LEPROT: variants seen among roughly 807,000 people sequenced by gnomAD.
LEPROT encodes the protein leptin receptor overlapping transcript.
LEPROT carries 3 observed loss-of-function variants against 15.4 expected under a neutral mutation model. The observed-to-expected ratio is 0.19, with a 90% CI of 0.09 to 0.50. LEPROT has a LOEUF of 0.50. Ranked by LOEUF, LEPROT falls within the 20% of genes least tolerant of loss-of-function variation. The pLI is 0.97. For missense variants in LEPROT, 137 were observed against 162.2 expected (o/e 0.84, Z 0.84); for synonymous variants, 59 against 57.5 (o/e 1.03, Z -0.12).
Position 65,425,308 on chromosome 1 carries a change from G to A in LEPROT, c.22G>A (p.Val8Met), listed in dbSNP as rs1266019114. MAGVKAL[V>M]ALSFSGAIGL... is the part of the protein sequence containing the mutation. Reference sequence around the variant, plus strand: ...TTTGGCTTTATTTTTCACAGCTCTCGTGGCATTATCCTTCAGTGGGGCTAT... The same window carrying A: ...TTTGGCTTTATTTTTCACAGCTCTCATGGCATTATCCTTCAGTGGGGCTAT... Residue 8 changes from valine to methionine, a missense_variant, in exon 2 of 4, where the codon GTG (valine) becomes ATG (methionine). Transcript: ENST00000371065. 22 of 1,612,212 alleles carry A rather than the reference G, an allele frequency of 1.4e-5. No homozygotes were observed. In the Admixed American group the frequency reaches 2.4e-4, roughly 17 times the overall value.
rs1330010380 is a variant in LEPROT at position 65,432,462 on chromosome 1, GT to G, written c.*546del. 1.6e-6 allele frequency: 1 copy of G among 615,878 alleles called. No individual in the cohort carries two copies. Among genetic ancestry groups the G allele is most frequent in the African/African-American group, 2.0e-5 (1 of 50,008 alleles). The allele number at this position is 615,878 out of a possible 1,614,324, so 38.2% of individuals were successfully genotyped here. A position where few individuals can be genotyped will look rare whatever the true frequency, so the allele number is the denominator to read the frequency against. On this transcript the variant is annotated 3_prime_UTR_variant, in exon 4 of 4. Transcript: ENST00000371065. ...CCAAAGGAGTTGTATGCACATGAAA[GT>G]TTGAGAAGCATCATCATAGAGAAGT...
At chr1:65,428,291 G>A (rs1646419448) in intron 2 of LEPROT, among the ~76,000 whole-genome samples, 1 of 152,162 alleles carries the variant, frequency 6.6e-6, no homozygotes. Flanking sequence ...CATAGAGTCA[G>A]ATTGTTTTTC....
chr1:65,432,666 T>C lies in LEPROT; in HGVS notation c.*747T>C, dbSNP rs987445315. On this transcript the variant is annotated 3_prime_UTR_variant, in exon 4 of 4. Transcript: ENST00000371065. Reference sequence around the variant, plus strand: ...AGTTCCTCAAATTTATGAAAAGTGTTCTCAGAATTGGGAGACAGTCAAAGG... The same window carrying C: ...AGTTCCTCAAATTTATGAAAAGTGTCCTCAGAATTGGGAGACAGTCAAAGG... 2.5e-4 allele frequency: 247 copies of C among 983,108 alleles called. No homozygotes were observed. The highest frequency in any genetic ancestry group is 2.7e-4 in the Non-Finnish European group (226 of 828,008). 60.9% of individuals were successfully genotyped at this position (983,108 alleles called of 1,614,324 possible). A position where few individuals can be genotyped will look rare whatever the true frequency, so the allele number is the denominator to read the frequency against.
In LEPROT at chr1:65,435,597, GACCTCATGATCCGC is replaced by G. The variant is rs1646551648; in HGVS notation, c.*3679_*3692del. On this transcript the variant is annotated 3_prime_UTR_variant, in exon 4 of 4. Coordinates refer to ENST00000371065, the MANE Select transcript of LEPROT (RefSeq NM_017526.5). ...TTAGCCAGGATGGTCTCGATCTCCT[GACCTCATGATCCGC>G]CCGCCTCTGCCTCCCAAAGTGCTGG... 9.2e-6 allele frequency: 6 copies of G among 652,964 alleles called. No individual in the cohort carries two copies. The highest frequency in any genetic ancestry group is 6.3e-5 in the Admixed American group (1 of 15,862). 40.4% of individuals were successfully genotyped at this position (652,964 alleles called of 1,614,324 possible). A position where few individuals can be genotyped will look rare whatever the true frequency, so the allele number is the denominator to read the frequency against.
chr1:65,425,442 G>A, intron 2 of LEPROT, 64 bp downstream of exon 2: 1 of 1,403,512 alleles, frequency 7.1e-7, no homozygotes, highest in Non-Finnish European at 9.7e-7. Context: ...TAGTATGGGT[G>A]TTAGAGAGTT....
rs1362340538 is a variant in LEPROT, at chr1:65,433,002, A to G, written c.*1083A>G. 17 of 985,338 alleles carry G rather than the reference A, an allele frequency of 1.7e-5. No homozygotes were observed. The highest frequency in any genetic ancestry group is 6.1e-5 in the Admixed American group (1 of 16,276). The allele number at this position is 985,338 out of a possible 1,614,324, so 61.0% of individuals were successfully genotyped here. On this transcript the variant is annotated 3_prime_UTR_variant, in exon 4 of 4. Transcript: ENST00000371065. Reference sequence around the variant, plus strand: ...AAACATCTCAGTGGGGAACAGATGTATCTTTTCATCTGAAAGACAATGCTG... The same window carrying G: ...AAACATCTCAGTGGGGAACAGATGTGTCTTTTCATCTGAAAGACAATGCTG...
chr1:65,434,267 A>G lies in LEPROT; in HGVS notation c.*2348A>G, dbSNP rs1188769361. 1.0e-6 allele frequency: 1 copy of G among 983,022 alleles called. No homozygotes were observed. Among genetic ancestry groups the G allele is most frequent in the Non-Finnish European group, 1.2e-6 (1 of 827,690 alleles). The allele number at this position is 983,022 out of a possible 1,614,324, so 60.9% of individuals were successfully genotyped here. The stretch of plus-strand genomic sequence containing the variant: ...TTGCTATATCTGAATATATAATACA[A>G]AAGTTTGATCATGGTGACACAAATG... On this transcript the variant is annotated 3_prime_UTR_variant, in exon 4 of 4. Coordinates refer to ENST00000371065, the MANE Select transcript of LEPROT (RefSeq NM_017526.5).
At chr1:65,423,176 G>A (rs1376993126) in intron 1 of LEPROT, among the ~76,000 whole-genome samples, 1 of 152,144 alleles carries the variant, frequency 6.6e-6, no homozygotes, top group Non-Finnish European at 1.5e-5. Flanking sequence ...CAGACTGGAG[G>A]TGGAAGTACA....
At position 65,433,194 on chromosome 1, in the gene LEPROT, T is replaced by C. The variant is rs1570439190; in HGVS notation, c.*1275T>C. Reference sequence around the variant, plus strand: ...CCCCACCCCTACTCCTCAACAGTTCTGGTTTGCCCTGACTTCTCTACGGCT... The same window carrying C: ...CCCCACCCCTACTCCTCAACAGTTCCGGTTTGCCCTGACTTCTCTACGGCT... On this transcript the variant is annotated 3_prime_UTR_variant, in exon 4 of 4. Coordinates refer to ENST00000371065, the MANE Select transcript of LEPROT (RefSeq NM_017526.5). 4 of 985,334 alleles carry C rather than the reference T, an allele frequency of 4.1e-6. No homozygotes were observed. The highest frequency in any genetic ancestry group is 4.8e-6 in the Non-Finnish European group (4 of 829,892). 61.0% of individuals were successfully genotyped at this position (985,334 alleles called of 1,614,324 possible). A position where few individuals can be genotyped will look rare whatever the true frequency, so the allele number is the denominator to read the frequency against.
chr1:65,424,828 C>T (rs571235572), intron 1 of LEPROT, among the ~76,000 whole-genome samples: 10 of 152,170 alleles, frequency 6.6e-5, no homozygotes, highest in South Asian at 2.1e-4. Flanking sequence ...CTCATCCCAT[C>T]GTGGAGACCC....
At chr1:65,430,224 G>A (rs1380422578) in intron 3 of LEPROT, 176 bp downstream of exon 3, 1 of 458,284 alleles carries the variant, frequency 2.2e-6, no homozygotes, top group African/African-American at 2.0e-5. Flanking sequence ...CATGCCTTCA[G>A]AGTGCTTTCT....
intron 3 of LEPROT, among the ~76,000 whole-genome samples, chr1:65,431,038 A>G (rs936802924): frequency 8.5e-5 from 13 of 152,330 alleles, no homozygotes; most frequent in African/African-American, 2.6e-4. Flanking sequence ...TAAGGCTGGA[A>G]GGGTTGTGAA....
Position 65,434,707 on chromosome 1 carries a change from C to T in LEPROT, c.*2788C>T. 1.0e-6 allele frequency: 1 copy of T among 985,418 alleles called. No individual in the cohort carries two copies. The highest frequency in any genetic ancestry group is 1.2e-6 in the Non-Finnish European group (1 of 829,946). The allele number at this position is 985,418 out of a possible 1,614,324, so 61.0% of individuals were successfully genotyped here. ...TCCTTTTAATTTTTCCACTCATTTTCACCTCCTAATGCCCTTGAGATCCAG... is the reference window on the plus strand; with the variant it reads ...TCCTTTTAATTTTTCCACTCATTTTTACCTCCTAATGCCCTTGAGATCCAG... On this transcript the variant is annotated 3_prime_UTR_variant, in exon 4 of 4. Coordinates refer to ENST00000371065, the MANE Select transcript of LEPROT (RefSeq NM_017526.5).
intron 1 of LEPROT, among the ~76,000 whole-genome samples, chr1:65,424,705 G>A (rs1646323610): frequency 6.6e-6 from 1 of 152,214 alleles, no homozygotes; most frequent in Non-Finnish European, 1.5e-5. Flanking sequence ...CTGGTGTCTG[G>A]TGAGAGCCAG....
At chr1:65,428,119 G>A (rs528614733) in intron 2 of LEPROT, 3 of 152,350 alleles carry the variant, frequency 2.0e-5, no homozygotes, top group South Asian at 2.1e-4. Flanking sequence ...GCAGATCCTC[G>A]TTATTTACTC....
chr1:65,421,695 A>T (rs1026772390), intron 1 of LEPROT, among the ~76,000 whole-genome samples: 3 of 152,210 alleles, frequency 2.0e-5, no homozygotes, highest in Non-Finnish European at 4.4e-5. Context: ...TATACTTAAT[A>T]TCAGTTTAGT....
In LEPROT at chr1:65,429,977, G is replaced by T. The variant is rs1229840242; in HGVS notation, c.208G>T (p.Ala70Ser). ...AACCAGTAGTGCCTGTCGGGAACTGGCATATTTCTTCACTACTGGAATTGT... is the reference window on the plus strand; with the variant it reads ...AACCAGTAGTGCCTGTCGGGAACTGTCATATTTCTTCACTACTGGAATTGT... Reference protein sequence around the residue: ...DATSSACRELAYFFTTGIVVS... With the variant: ...DATSSACRELSYFFTTGIVVS... Residue 70 changes from alanine to serine, a missense_variant, in exon 3 of 4, where the codon GCA (alanine) becomes TCA (serine). By Grantham distance (99) the Ala-to-Ser change is moderately conservative. Transcript: ENST00000371065. The T allele has an allele frequency of 3.8e-6, 6 of 1,578,280 alleles. No individual in the cohort carries two copies. Among genetic ancestry groups the T allele is most frequent in the East Asian group, 2.3e-5 (1 of 44,016 alleles).
intron 1 of LEPROT, among the ~76,000 whole-genome samples, chr1:65,422,873 C>T (rs1179451371): frequency 6.6e-6 from 1 of 152,148 alleles, no homozygotes; most frequent in African/African-American, 2.4e-5. Context: ...AAAGGGATGG[C>T]AGCGGTGATA....
At chr1:65,425,197 A>C in intron 1 of LEPROT, 106 bp from the exon 2 acceptor site, 1 of 894,488 alleles carries the variant, frequency 1.1e-6, no homozygotes, top group East Asian at 2.5e-5. Context: ...CTCATCCGCC[A>C]AAGAAACTCT....
Sources: allele counts gnomAD v4.1 joint callset (sites outside exome capture counted in the v4.1 genomes callset), GRCh38; gene constraint gnomAD v4.1.1; transcripts MANE v1.5; gene names NCBI Gene and HGNC (gene_info 2026-07-23, HGNC 2026-07-21).